The following CYP39A1 variants were observed in gnomAD, a reference collection of about 807,000 sequenced individuals.
CYP39A1 encodes the protein cytochrome P450 family 39 subfamily A member 1, also known as 24-hydroxycholesterol 7-alpha-hydroxylase.
Under a neutral mutation model 58.1 loss-of-function variants are expected in CYP39A1, and 49 were observed. The ratio of observed to expected loss-of-function variants is 0.84; its 90% CI spans 0.67 to 1.07. The LOEUF (loss-of-function observed/expected upper bound fraction) is 1.07. Ranked by LOEUF, CYP39A1 falls within the 50% of genes least tolerant of loss-of-function variation. The pLI is 0.00. For synonymous variants in CYP39A1, 209 were observed against 187.6 expected (o/e 1.11, Z -0.93); for missense variants, 531 against 539.4 (o/e 0.98, Z 0.16).
chr6:46,580,033 G>T (rs927616817), intron 10 of CYP39A1, among the ~76,000 whole-genome samples: 2 of 152,088 alleles, frequency 1.3e-5, no homozygotes, highest in Admixed American at 6.6e-5. Context: ...CCAAAAAAGA[G>T]CCCAAATTAC....
intron 10 of CYP39A1, among the ~76,000 whole-genome samples, chr6:46,566,833 A>ATT (rs397887862): frequency 7.1e-6 from 1 of 140,458 alleles, no homozygotes; most frequent in African/African-American, 3.1e-5. Context: ...AAATGAGATG[A>ATT]TTATATATAT....
chr6:46,596,976 T>C (rs2150525542), intron 7 of CYP39A1, among the ~76,000 whole-genome samples: 1 of 152,270 alleles, frequency 6.6e-6, no homozygotes, highest in South Asian at 2.1e-4. Context: ...CTTTTTCACA[T>C]TTGCTTTCAG....
At chr6:46,618,867 C>T (rs1774780004) in intron 7 of CYP39A1, among the ~76,000 whole-genome samples, 1 of 152,068 alleles carries the variant, frequency 6.6e-6, no homozygotes, top group African/African-American at 2.4e-5. Context: ...AGAACTCAGC[C>T]TGGAGCATAC....
chr6:46,589,794 G>T (rs1233919408), intron 8 of CYP39A1, among the ~76,000 whole-genome samples: 2 of 152,100 alleles, frequency 1.3e-5, no homozygotes, highest in Non-Finnish European at 2.9e-5. Flanking sequence ...AGCAGGGTTG[G>T]GGGCAGCACA....
intron 7 of CYP39A1, among the ~76,000 whole-genome samples, chr6:46,621,833 G>A (rs977586385): frequency 6.6e-6 from 1 of 151,842 alleles, no homozygotes; most frequent in Non-Finnish European, 1.5e-5. Context: ...ACCAAAACCA[G>A]ACAAAGTTAT....
chr6:46,620,348 C>A (rs1034086484), intron 7 of CYP39A1, among the ~76,000 whole-genome samples: 1 of 152,160 alleles, frequency 6.6e-6, no homozygotes, highest in African/African-American at 2.4e-5. Context: ...ACCTTACTTG[C>A]AAGACTGTCT....
At chr6:46,637,323 T>G (rs1776050819) in intron 4 of CYP39A1, among the ~76,000 whole-genome samples, 1 of 152,220 alleles carries the variant, frequency 6.6e-6, no homozygotes, top group Admixed American at 6.5e-5. Context: ...TACTTTGTTA[T>G]AGCAACCCAT....
At chr6:46,563,911 T>C (rs1738306) in intron 10 of CYP39A1, among the ~76,000 whole-genome samples, 76,743 of 151,548 alleles carry the variant, frequency 0.51, 21,901 homozygotes, top group African/African-American at 0.79. Context: ...ATGAGTTTGG[T>C]CAGCAGGTAG....
At chr6:46,557,767 T>C (rs1770731721) in intron 10 of CYP39A1, among the ~76,000 whole-genome samples, 1 of 150,612 alleles carries the variant, frequency 6.6e-6, no homozygotes, top group African/African-American at 2.4e-5. Context: ...TGAAATCCCA[T>C]CTCTACTAAA....
intron 10 of CYP39A1, among the ~76,000 whole-genome samples, chr6:46,569,151 G>A (rs963567317): frequency 6.6e-6 from 1 of 151,978 alleles, no homozygotes; most frequent in African/African-American, 2.4e-5. Flanking sequence ...TATTATAAAT[G>A]GGATTGCTTT....
rs118121676 is a variant in CYP39A1 at position 46,628,982 on chromosome 6, T to C, written c.840+1981A>G. On this transcript the variant is annotated intron_variant, in intron 6 of 11. Coordinates refer to ENST00000275016, the MANE Select transcript of CYP39A1 (RefSeq NM_016593.5). ...TAATCCTTACAACAACCCTTTAAGGTAGGTATAGCATTAATCCCATTTTAC... is the reference window on the plus strand; with the variant it reads ...TAATCCTTACAACAACCCTTTAAGGCAGGTATAGCATTAATCCCATTTTAC... Among the ~76,000 whole-genome samples the C allele has an allele frequency of 9.0e-4, 137 of 152,280 alleles. 3 individuals are homozygous for C. The South Asian group carries it at 0.013, about 14-fold the overall frequency.
At chr6:46,554,407 A>G (rs936955225) in intron 10 of CYP39A1, among the ~76,000 whole-genome samples, 13 of 152,204 alleles carry the variant, frequency 8.5e-5, no homozygotes, top group African/African-American at 3.1e-4. Flanking sequence ...AATGTTCTAC[A>G]GGAACATCAA....
chr6:46,616,048 TTTC>T (rs1454424857), intron 7 of CYP39A1, among the ~76,000 whole-genome samples: 6 of 90,406 alleles, frequency 6.6e-5, no homozygotes, highest in Middle Eastern at 7.6e-3. Context: ...TCCTCTTTCT[TTTC>T]TTTTCTTTTC....
intron 10 of CYP39A1, among the ~76,000 whole-genome samples, chr6:46,573,805 G>C (rs922995596): frequency 6.6e-6 from 1 of 152,124 alleles, no homozygotes; most frequent in Non-Finnish European, 1.5e-5. Context: ...AGTCTTAACT[G>C]ATATAACCAA....
chr6:46,606,167 C>G lies in CYP39A1; in HGVS notation c.932-10047G>C, dbSNP rs61030218. ...AGTAAGTTAAAAAGGGTAAAACGTT[C>G]TATATTAATAATATAGAAACAGAAG... On this transcript the variant is annotated intron_variant, in intron 7 of 11. Transcript: ENST00000275016. Among the ~76,000 whole-genome samples, 634 of 152,022 alleles carry G rather than the reference C, an allele frequency of 4.2e-3. 4 individuals carry two copies. Among genetic ancestry groups the G allele is most frequent in the African/African-American group, 0.015 (610 of 41,478 alleles).
rs1365314961 is a variant in CYP39A1 at position 46,642,289 on chromosome 6, T to C, written c.187A>G (p.Ile63Val). The C allele has an allele frequency of 6.2e-7, 1 of 1,612,184 alleles. No individual in the cohort carries two copies. Among genetic ancestry groups the C allele is most frequent in the East Asian group, 2.2e-5 (1 of 44,700 alleles). Residue 63 changes from isoleucine to valine, a missense_variant, in exon 2 of 12, where the codon ATA (isoleucine) becomes GTA (valine). Transcript: ENST00000275016. Reference protein sequence around the residue: ...IEKARIKYGPIFTVFAMGNRM... With the variant: ...IEKARIKYGPVFTVFAMGNRM... ...TTTCCCATAGCAAAGACTGTAAATATTGGTCCATACTGAAATAAAACAAAC... is the reference window on the plus strand; with the variant it reads ...TTTCCCATAGCAAAGACTGTAAATACTGGTCCATACTGAAATAAAACAAAC...
At chr6:46,624,092 A>G (rs770885785) in intron 7 of CYP39A1, among the ~76,000 whole-genome samples, 1 of 152,214 alleles carries the variant, frequency 6.6e-6, no homozygotes, top group Non-Finnish European at 1.5e-5. Context: ...GAGTTCTAGA[A>G]TCAAGCCTTG....
chr6:46,583,980 T>C (rs886840199), intron 10 of CYP39A1, among the ~76,000 whole-genome samples: 3 of 152,098 alleles, frequency 2.0e-5, no homozygotes, highest in African/African-American at 7.2e-5. Context: ...AGAAAATAAA[T>C]TGGCGCCTGG....
At chr6:46,641,491 G>A (rs575645618) in intron 2 of CYP39A1, among the ~76,000 whole-genome samples, 1 of 152,266 alleles carries the variant, frequency 6.6e-6, no homozygotes, top group African/African-American at 2.4e-5. Flanking sequence ...AAGCCACAGA[G>A]AATAGAAGCA....
Sources: gnomAD v4.1 joint callset for allele counts (sites outside exome capture counted in the v4.1 genomes callset) on GRCh38, gnomAD v4.1.1 for gene constraint, MANE v1.5 for transcripts, NCBI Gene and HGNC (gene_info 2026-07-23, HGNC 2026-07-21) for gene names.